APBB2: variants seen among roughly 807,000 people sequenced by gnomAD.
APBB2 encodes amyloid beta precursor protein binding family B member 2.
APBB2 carries 38 observed loss-of-function variants against 82.5 expected under a neutral mutation model. The observed-to-expected ratio is 0.46, with a 90% CI of 0.36 to 0.60. The LOEUF (loss-of-function observed/expected upper bound fraction) is 0.60, where lower values mean the gene tolerates loss of function less well. Ranked by LOEUF, APBB2 falls within the 20% of genes least tolerant of loss-of-function variation. The pLI, the probability that APBB2 is intolerant of heterozygous loss-of-function variation, is 0.00. For synonymous variants in APBB2, 341 were observed against 368.2 expected (o/e 0.93, Z 0.85); for missense variants, 772 against 972.3 (o/e 0.79, Z 2.74).
rs368675335 is a variant in APBB2 at position 41,068,752 on chromosome 4, C to T, written c.-148-3079G>A. On this transcript the variant is annotated intron_variant, in intron 3 of 17. Coordinates refer to ENST00000508593, the MANE Select transcript of APBB2 (RefSeq NM_004307.2). ...GGGTGTCAACATTTCCAAAGGTGTA[C>T]GTGTAGTTTAATTAAGCAAAACTAT... 1.6e-4 allele frequency among the ~76,000 whole-genome samples: 24 copies of T among 148,432 alleles called. No homozygotes were observed. The South Asian group carries it at 3.2e-3, about 20-fold the overall frequency.
At chr4:41,116,655 A>G (rs1751078552) in intron 2 of APBB2, among the ~76,000 whole-genome samples, 1 of 152,126 alleles carries the variant, frequency 6.6e-6, no homozygotes, top group Non-Finnish European at 1.5e-5. Flanking sequence ...CATGCTAGCT[A>G]TAATTAATTT....
intron 2 of APBB2, among the ~76,000 whole-genome samples, chr4:41,109,554 T>C (rs1002078340): frequency 6.6e-5 from 10 of 152,188 alleles, no homozygotes; most frequent in Non-Finnish European, 1.5e-4. Flanking sequence ...CACTGCAACC[T>C]CCGCCTCCTA....
At chr4:41,013,520 C>T in intron 6 of APBB2, 63 bp downstream of exon 6, 1 of 1,467,388 alleles carries the variant, frequency 6.8e-7, no homozygotes, top group Non-Finnish European at 9.4e-7. Flanking sequence ...GAGATTTACT[C>T]CAATAGTTGA....
intron 3 of APBB2, among the ~76,000 whole-genome samples, chr4:41,068,353 T>C (rs1560665623): frequency 6.6e-6 from 1 of 152,042 alleles, no homozygotes; most frequent in Non-Finnish European, 1.5e-5. Context: ...ACTGGGTAAG[T>C]GGGGGCTACA....
chr4:41,079,043 C>G (rs1051463126), intron 3 of APBB2, among the ~76,000 whole-genome samples: 1 of 152,198 alleles, frequency 6.6e-6, no homozygotes, highest in Non-Finnish European at 1.5e-5. Context: ...AGGGCAATGG[C>G]AACAACACCC....
chr4:40,923,354 C>T (rs1781819665), intron 10 of APBB2, among the ~76,000 whole-genome samples: 1 of 152,240 alleles, frequency 6.6e-6, no homozygotes, highest in Non-Finnish European at 1.5e-5. Flanking sequence ...TGGCATTAAG[C>T]TCTCAGGCAG....
intron 1 of APBB2, among the ~76,000 whole-genome samples, chr4:41,170,939 G>T (rs1768067879): frequency 6.6e-6 from 1 of 152,116 alleles, no homozygotes; most frequent in South Asian, 2.1e-4. Context: ...TAAAAAGGAG[G>T]CCTAAATAAC....
At chr4:41,152,444 T>C (rs963476726) in intron 1 of APBB2, among the ~76,000 whole-genome samples, 2 of 152,010 alleles carry the variant, frequency 1.3e-5, no homozygotes, top group Non-Finnish European at 2.9e-5. Flanking sequence ...TGCCTCAGCC[T>C]CCCGAGTAGC....
intron 10 of APBB2, among the ~76,000 whole-genome samples, chr4:40,901,180 G>A (rs1443665956): frequency 1.3e-5 from 2 of 152,146 alleles, no homozygotes; most frequent in African/African-American, 4.8e-5. Context: ...CTCATCTGTT[G>A]CCATGAGGAT....
intron 5 of APBB2, among the ~76,000 whole-genome samples, chr4:41,024,136 A>T (rs1001089519): frequency 1.3e-5 from 2 of 152,228 alleles, no homozygotes; most frequent in African/African-American, 4.8e-5. Context: ...CCATATGCAA[A>T]AGATTGAAGC....
At chr4:40,818,133 T>C (rs945215629) in intron 17 of APBB2, among the ~76,000 whole-genome samples, 1 of 152,208 alleles carries the variant, frequency 6.6e-6, no homozygotes, top group African/African-American at 2.4e-5. Context: ...AACGTTAGTG[T>C]CAATAGATAT....
At chr4:41,096,683 AG>A (rs1743574987) in intron 3 of APBB2, among the ~76,000 whole-genome samples, 1 of 152,226 alleles carries the variant, frequency 6.6e-6, no homozygotes, top group African/African-American at 2.4e-5. Flanking sequence ...TCATAATGGG[AG>A]AAAAAAACCT....
At chr4:40,957,684 A>G in intron 6 of APBB2, among the ~76,000 whole-genome samples, 1 of 151,644 alleles carries the variant, frequency 6.6e-6, no homozygotes, top group East Asian at 1.9e-4. Context: ...CCTGGGTTCA[A>G]GCAATTCTCC....
intron 1 of APBB2, among the ~76,000 whole-genome samples, chr4:41,198,365 G>A: frequency 2.0e-5 from 3 of 152,210 alleles, no homozygotes; most frequent in African/African-American, 7.2e-5. Context: ...TAAAGAGGAA[G>A]TTCAGGAGAT....
At chr4:41,007,207 CTG>C (rs1806995666) in intron 6 of APBB2, among the ~76,000 whole-genome samples, 1 of 151,948 alleles carries the variant, frequency 6.6e-6, no homozygotes, top group Non-Finnish European at 1.5e-5. Context: ...CACAGTAAGA[CTG>C]GTGTCTTTAT....
At chr4:41,113,160 T>C (rs1045160064) in intron 2 of APBB2, among the ~76,000 whole-genome samples, 9 of 152,138 alleles carry the variant, frequency 5.9e-5, no homozygotes, top group Admixed American at 6.6e-5. Context: ...TTACCTGAAA[T>C]TGCAAAACTA....
intron 4 of APBB2, among the ~76,000 whole-genome samples, chr4:41,058,625 A>G (rs1359970906): frequency 6.6e-6 from 1 of 152,256 alleles, no homozygotes; most frequent in Non-Finnish European, 1.5e-5. Context: ...ACTATGCTAC[A>G]CTACAAAAAT....
chr4:41,151,668 A>G (rs964667402), intron 1 of APBB2, among the ~76,000 whole-genome samples: 1 of 152,108 alleles, frequency 6.6e-6, no homozygotes, highest in African/African-American at 2.4e-5. Context: ...CGTTTTGAAG[A>G]TATTTTTCCA....
intron 4 of APBB2, among the ~76,000 whole-genome samples, chr4:41,047,145 G>A (rs775856240): frequency 6.6e-6 from 1 of 152,184 alleles, no homozygotes; most frequent in Non-Finnish European, 1.5e-5. Flanking sequence ...ATTAAAAACT[G>A]GAGTAAGGGG....
Sources: gnomAD v4.1 joint callset for allele counts (sites outside exome capture counted in the v4.1 genomes callset) on GRCh38, gnomAD v4.1.1 for gene constraint, MANE v1.5 for transcripts, NCBI Gene and HGNC (gene_info 2026-07-23, HGNC 2026-07-21) for gene names.